The following SMG6 variants were observed in gnomAD, a reference collection of about 807,000 sequenced individuals.
SMG6 encodes the protein telomerase-binding protein EST1A.
A neutral mutation model predicts 142.2 loss-of-function variants in SMG6; 66 were observed. The ratio of observed to expected loss-of-function variants is 0.46; its 90% confidence interval spans 0.38 to 0.57. SMG6 has a LOEUF of 0.57. Ranked by LOEUF, SMG6 falls within the 20% of genes least tolerant of loss-of-function variation. The probability of loss-of-function intolerance (pLI) is 0.00; values close to 1 mark genes in which losing one functional copy is unlikely to be tolerated. For synonymous variants in SMG6, 779 were observed against 702.4 expected (o/e 1.11, Z -1.72); for missense variants, 1,793 against 1,832.0 (o/e 0.98, Z 0.39).
intron 8 of SMG6, among the ~76,000 whole-genome samples, chr17:2,261,590 G>A (rs2074315691): frequency 6.6e-6 from 1 of 152,140 alleles, no homozygotes; most frequent in African/African-American, 2.4e-5. Flanking sequence ...CTAACTCTGA[G>A]GTGGTAGACA....
Position 2,085,814 on chromosome 17 carries a change from T to C in SMG6, c.3445A>G (p.Lys1149Glu). Reference sequence around the variant, plus strand: ...GCCACTGACACATACTTTCCACCCTTGAATGCCAGCAGAGGCTCTTCTTGT... The same window carrying C: ...GCCACTGACACATACTTTCCACCCTCGAATGCCAGCAGAGGCTCTTCTTGT... ...CGQEEPLLAFKGGKYVSVAPV... is the reference protein window; with the variant it reads ...CGQEEPLLAFEGGKYVSVAPV... Residue 1149 changes from lysine to glutamate, a missense_variant, in exon 14 of 19, where the codon AAG becomes GAG. Coordinates refer to ENST00000263073, the MANE Select transcript of SMG6 (RefSeq NM_017575.5). This position sits in a 1 kb window ranked among gnomAD's most constrained non-coding sequence, Gnocchi z 4.1. The C allele has an allele frequency of 6.2e-7, 1 of 1,614,132 alleles. No individual in the cohort carries two copies. Among genetic ancestry groups the C allele is most frequent in the Non-Finnish European group, 8.5e-7 (1 of 1,180,006 alleles).
chr17:2,122,384 T>G (rs969255568), intron 13 of SMG6: 2 of 152,184 alleles, frequency 1.3e-5, no homozygotes, highest in Non-Finnish European at 2.9e-5. Flanking sequence ...AAAGAAAATC[T>G]GCATCAATCC....
rs770952912 is a variant in SMG6, at chr17:2,299,748, C to T, written c.1005G>A (p.Gly335=). The change falls in exon 2 of 19, where the codon GGG becomes GGA. Residue 335 remains glycine (G), a synonymous_variant. Transcript: ENST00000263073. This position sits in a 1 kb window ranked among gnomAD's most constrained non-coding sequence, Gnocchi z 4.3. ...RHLERNWSGR[G]EGEQKNSAKE... ...TAGCACTGTTTTTCTGCTCACCCTC[C>T]CCACGGCCAGACCAGTTTCTTTCTA... is the stretch of plus-strand genomic sequence containing the variant. The T allele has an allele frequency of 1.2e-6, 2 of 1,614,192 alleles. No individual in the cohort carries two copies. The highest frequency in any genetic ancestry group is 1.7e-6 in the Non-Finnish European group (2 of 1,180,032).
At chr17:2,226,138 G>A (rs1382400696) in intron 10 of SMG6, among the ~76,000 whole-genome samples, 4 of 152,104 alleles carry the variant, frequency 2.6e-5, no homozygotes, top group Admixed American at 2.6e-4. Flanking sequence ...AGCTGGGTGT[G>A]GTGGCGCATG....
rs1322680806 is a variant in SMG6 at position 2,282,724 on chromosome 17, G to C, written c.2584C>G (p.Pro862Ala). 14 of 1,614,058 alleles carry C rather than the reference G, an allele frequency of 8.7e-6. No homozygotes were observed. The East Asian group carries it at 3.1e-4, about 36-fold the overall frequency. Residue 862 changes from proline (P) to alanine (A), a missense_variant, in exon 8 of 19, where the codon CCA becomes GCA. Pro to Ala is a conservative substitution (Grantham distance 27). Around this residue, in one of 3 missense-constraint regions of SMG6, gnomAD observed 1,597 missense variants for 1,584.6 expected, o/e 1.01. Transcript: ENST00000263073. ...GACTCAGTGCCCTGGGAAGACCGTG[G>C]ATGGGATGGATGAATCCAGATCTCC... ...RLEIWIHPSH[P>A]RSSQGTESGK...
At chr17:2,148,664 A>G (rs979244165) in intron 13 of SMG6, among the ~76,000 whole-genome samples, 1 of 152,000 alleles carries the variant, frequency 6.6e-6, no homozygotes, top group Non-Finnish European at 1.5e-5. Flanking sequence ...CTCAAGACCA[A>G]CCTGGACAAC....
chr17:2,293,269 T>C (rs1300673859), intron 4 of SMG6, among the ~76,000 whole-genome samples: 1 of 152,172 alleles, frequency 6.6e-6, no homozygotes, highest in Non-Finnish European at 1.5e-5. Flanking sequence ...TATTTTGATA[T>C]TAGTAGTCAG....
chr17:2,166,803 A>T (rs1379149437), intron 13 of SMG6, among the ~76,000 whole-genome samples: 2 of 152,126 alleles, frequency 1.3e-5, no homozygotes, highest in African/African-American at 4.8e-5. Context: ...AGTATGCTAA[A>T]TGAAAAATGA....
chr17:2,155,724 C>T (rs570073960), intron 13 of SMG6, among the ~76,000 whole-genome samples: 8 of 152,290 alleles, frequency 5.3e-5, no homozygotes, highest in African/African-American at 7.2e-5. Flanking sequence ...GGTACAGAAA[C>T]GCAGCTTGTA....
intron 8 of SMG6, among the ~76,000 whole-genome samples, chr17:2,263,820 A>G (rs1003865801): frequency 2.0e-5 from 3 of 152,242 alleles, no homozygotes; most frequent in Admixed American, 6.5e-5. Context: ...CAACGATTTC[A>G]TATTCTCTAT....
chr17:2,169,407 T>C (rs1401737456), intron 13 of SMG6, among the ~76,000 whole-genome samples: 2 of 152,048 alleles, frequency 1.3e-5, no homozygotes, highest in African/African-American at 2.4e-5. Context: ...CAGGGACTGA[T>C]ACATGATAGA....
chr17:2,158,369 T>C (rs771561800), intron 13 of SMG6, among the ~76,000 whole-genome samples: 32 of 152,206 alleles, frequency 2.1e-4, no homozygotes, highest in Non-Finnish European at 4.3e-4. Flanking sequence ...AAAAAAAGTA[T>C]TGCTAGATAA....
intron 15 of SMG6, 80 bp downstream of exon 15, chr17:2,081,730 C>T: frequency 6.5e-7 from 1 of 1,531,556 alleles, no homozygotes; most frequent in Non-Finnish European, 8.9e-7. Flanking sequence ...TCCTGCTCAG[C>T]TCTGCTCTCT....
At chr17:2,086,035 G>A (rs936028796) in intron 13 of SMG6, 134 bp from the exon 14 acceptor site, 22 of 865,252 alleles carry the variant, frequency 2.5e-5, no homozygotes, top group Admixed American at 2.5e-4. Context: ...AATGAATGAC[G>A]GGGTGCGGAG....
At chr17:2,120,601 T>C (rs554663913) in intron 13 of SMG6, among the ~76,000 whole-genome samples, 2 of 152,284 alleles carry the variant, frequency 1.3e-5, no homozygotes, top group South Asian at 4.1e-4. Flanking sequence ...CACACACCTG[T>C]AGTCTCAGCT....
At chr17:2,107,249 A>G (rs1218354241) in intron 13 of SMG6, among the ~76,000 whole-genome samples, 1 of 152,164 alleles carries the variant, frequency 6.6e-6, no homozygotes, top group Non-Finnish European at 1.5e-5. Flanking sequence ...CAGGCAGGGC[A>G]GGGATCTAGA....
intron 9 of SMG6, among the ~76,000 whole-genome samples, chr17:2,244,199 T>C (rs1441473417): frequency 4.6e-5 from 7 of 152,126 alleles, no homozygotes; most frequent in Non-Finnish European, 1.0e-4. Flanking sequence ...AATCTGAGCA[T>C]AGGAGGAAAG....
chr17:2,080,804 T>G (rs2068399620), intron 15 of SMG6, among the ~76,000 whole-genome samples: 1 of 151,838 alleles, frequency 6.6e-6, no homozygotes, highest in Non-Finnish European at 1.5e-5. Flanking sequence ...CCCAGCTAAT[T>G]TTTTGTATTT....
chr17:2,067,556 G>T (rs916427058), intron 16 of SMG6, among the ~76,000 whole-genome samples: 17 of 152,200 alleles, frequency 1.1e-4, no homozygotes, highest in African/African-American at 2.7e-4. Flanking sequence ...CAACGTGATG[G>T]TTCTGCTGCC....
Sources: allele counts gnomAD v4.1 joint callset (sites outside exome capture counted in the v4.1 genomes callset), GRCh38; gene constraint gnomAD v4.1.1; regional missense constraint gnomAD v4.1.1; non-coding constraint Gnocchi (gnomAD v3.1); transcripts MANE v1.5; gene names NCBI Gene and HGNC (gene_info 2026-07-23, HGNC 2026-07-21).